FGFR1OP2: variants seen among roughly 807,000 people sequenced by gnomAD.
FGFR1OP2 encodes FGFR1 oncogene partner 2, also known as fibroblast growth factor receptor 1 oncogene partner 2.
Under a neutral mutation model 35.2 loss-of-function variants are expected in FGFR1OP2, and 17 were observed. That is an observed-to-expected ratio of 0.48 (90% CI 0.33 to 0.73). The LOEUF (loss-of-function observed/expected upper bound fraction) is 0.73, where lower values mean the gene tolerates loss of function less well. FGFR1OP2 is among the 30% of genes least tolerant of loss of function. The pLI is 0.02. For missense variants in FGFR1OP2, 251 were observed against 307.3 expected (o/e 0.82, Z 1.37); for synonymous variants, 105 against 104.6 (o/e 1.00, Z -0.03).
intron 5 of FGFR1OP2, chr12:26,961,276 T>G (rs1244924928): frequency 6.6e-6 from 1 of 152,204 alleles, no homozygotes; most frequent in Non-Finnish European, 1.5e-5. Flanking sequence ...TTGTGCTTGT[T>G]AAAAAATCTG....
At position 26,960,794 on chromosome 12, in the gene FGFR1OP2, A is replaced by G. The variant is rs377715839; in HGVS notation, c.510+166A>G. The G allele has an allele frequency of 3.0e-5, 34 of 1,117,392 alleles. No individual in the cohort carries two copies. In the African/African-American group the frequency reaches 5.0e-4, roughly 16 times the overall value. 69.2% of individuals were successfully genotyped at this position (1,117,392 alleles called of 1,614,324 possible). On this transcript the variant is annotated intron_variant, in intron 5 of 6. Coordinates refer to ENST00000229395, the MANE Select transcript of FGFR1OP2 (RefSeq NM_015633.3). ...CCATGCTGTTCAGTGTAGAAACTTT[A>G]AATCTCTCATTAATTTTCTGTGTAT...
chr12:26,938,932 C>T (rs1007686513), intron 1 of FGFR1OP2, among the ~76,000 whole-genome samples: 1 of 152,162 alleles, frequency 6.6e-6, no homozygotes, highest in Non-Finnish European at 1.5e-5. Context: ...GCGGAAAGTT[C>T]AATGAAAAGC....
intron 1 of FGFR1OP2, among the ~76,000 whole-genome samples, chr12:26,943,642 T>G (rs1938772488): frequency 6.6e-6 from 1 of 152,198 alleles, no homozygotes; most frequent in East Asian, 1.9e-4. Flanking sequence ...CTGGCCAACA[T>G]GACGAAACCC....
At position 26,954,214 on chromosome 12, in the gene FGFR1OP2, T is replaced by G; in HGVS notation, c.56T>G (p.Leu19Ter). The G allele has an allele frequency of 1.2e-6, 2 of 1,612,226 alleles. No homozygotes were observed. Among genetic ancestry groups the G allele is most frequent in the Non-Finnish European group, 1.7e-6 (2 of 1,178,870 alleles). Residue 19 changes from leucine to a stop codon, truncating the protein, a stop_gained, in exon 2 of 7, where the codon TTA becomes TGA. Transcript: ENST00000229395. LOFTEE classifies it high-confidence loss of function. ...LADAKALVER[L>*]RDHDDAAESL... ...GACGCTAAAGCTCTTGTTGAAAGAT[T>G]AAGAGATCATGACGATGCAGCAGAA...
chr12:26,963,319 C>T (rs758474517), intron 5 of FGFR1OP2, 23 bp from the exon 6 acceptor site: 7 of 1,514,460 alleles, frequency 4.6e-6, no homozygotes, highest in East Asian at 2.3e-5. Context: ...TGCTGATTTC[C>T]AACTCCCATC....
intron 4 of FGFR1OP2, chr12:26,958,060 T>C (rs2136358456): frequency 5.6e-6 from 1 of 179,482 alleles, no homozygotes; most frequent in South Asian, 1.2e-4. Flanking sequence ...TATATACTTT[T>C]AAGAAATATT....
At chr12:26,941,783 T>C (rs554140233) in intron 1 of FGFR1OP2, among the ~76,000 whole-genome samples, 1 of 152,332 alleles carries the variant, frequency 6.6e-6, no homozygotes, top group East Asian at 1.9e-4. Context: ...CCCATTTCTT[T>C]TCTATGGCTG....
chr12:26,942,530 A>G (rs187720194), intron 1 of FGFR1OP2, among the ~76,000 whole-genome samples: 30 of 152,370 alleles, frequency 2.0e-4, no homozygotes, highest in Admixed American at 1.9e-3. Context: ...GAATTAGGTT[A>G]GAGAGAAGGC....
chr12:26,954,399 T>C (rs1202146639), intron 2 of FGFR1OP2, 106 bp downstream of exon 2: 1 of 1,326,868 alleles, frequency 7.5e-7, no homozygotes, highest in African/African-American at 1.5e-5. Context: ...CTCTAAAATT[T>C]TAAAGTAGCT....
intron 5 of FGFR1OP2, chr12:26,962,066 G>A (rs1939112652): frequency 6.6e-6 from 1 of 152,220 alleles, no homozygotes; most frequent in African/African-American, 2.4e-5. Context: ...CAGTGTGGAA[G>A]CCAGTAGCCA....
At position 26,964,922 on chromosome 12, in the gene FGFR1OP2, A is replaced by G. The variant is rs1939154481; in HGVS notation, c.*189A>G. The G allele has an allele frequency of 3.8e-6, 2 of 521,258 alleles. No homozygotes were observed. The highest frequency in any genetic ancestry group is 3.0e-5 in the East Asian group (1 of 33,402). 32.3% of individuals were successfully genotyped at this position (521,258 alleles called of 1,614,324 possible). On this transcript the variant is annotated 3_prime_UTR_variant, in exon 7 of 7. Coordinates refer to ENST00000229395, the MANE Select transcript of FGFR1OP2 (RefSeq NM_015633.3). ...TTATTCCAAAACATAATTGGAAAAT[A>G]GAAACTGAGCCATTGCCAAATGGTA...
chr12:26,947,057 T>C (rs1938839370), intron 1 of FGFR1OP2, among the ~76,000 whole-genome samples: 1 of 152,084 alleles, frequency 6.6e-6, no homozygotes, highest in Non-Finnish European at 1.5e-5. Context: ...TATGAACACA[T>C]CATATTTACT....
chr12:26,963,701 T>C (rs2136362352), intron 6 of FGFR1OP2, among the ~76,000 whole-genome samples: 1 of 152,308 alleles, frequency 6.6e-6, no homozygotes, highest in African/African-American at 2.4e-5. Context: ...GCTTATCTTA[T>C]GAAGTGAATG....
At chr12:26,944,987 A>G (rs1000371226) in intron 1 of FGFR1OP2, among the ~76,000 whole-genome samples, 1 of 152,144 alleles carries the variant, frequency 6.6e-6, no homozygotes, top group Non-Finnish European at 1.5e-5. Context: ...AAATTATCCA[A>G]TTCATGTGTA....
intron 5 of FGFR1OP2, chr12:26,962,169 C>T (rs1332041528): frequency 6.6e-6 from 1 of 152,174 alleles, no homozygotes; most frequent in Non-Finnish European, 1.5e-5. Context: ...TTAAGTTTAA[C>T]ATTGTTTTGG....
At chr12:26,946,910 A>G (rs574582825) in intron 1 of FGFR1OP2, among the ~76,000 whole-genome samples, 3 of 152,122 alleles carry the variant, frequency 2.0e-5, no homozygotes, top group Non-Finnish European at 2.9e-5. Flanking sequence ...TTTGGACACT[A>G]TATAAATGGC....
chr12:26,957,683 A>G lies in FGFR1OP2; in HGVS notation c.336A>G (p.Leu112=), dbSNP rs1325502390. The G allele has an allele frequency of 2.5e-6, 4 of 1,613,658 alleles. No individual in the cohort carries two copies. Among genetic ancestry groups the G allele is most frequent in the Middle Eastern group, 1.6e-4 (1 of 6,076 alleles). The change falls in exon 4 of 7, where the codon CTA becomes CTG. Residue 112 remains leucine, a synonymous_variant. Transcript: ENST00000229395. ...ACCGAGAACAAATGTTTAGATTGCT[A>G]ATGGCTAGCAAAAAAGATGATCCGG... The part of the protein sequence containing the change: ...SKYREQMFRL[L]MASKKDDPGI...
At chr12:26,948,715 G>A (rs933892647) in intron 1 of FGFR1OP2, among the ~76,000 whole-genome samples, 5 of 152,188 alleles carry the variant, frequency 3.3e-5, no homozygotes, top group Admixed American at 2.0e-4. Context: ...TCATCGAAAT[G>A]TATAAGTTTC....
In FGFR1OP2 at chr12:26,964,980, A is replaced by C; in HGVS notation, c.*247A>C. On this transcript the variant is annotated 3_prime_UTR_variant, in exon 7 of 7. Transcript: ENST00000229395. The stretch of plus-strand genomic sequence containing the variant: ...GAAAAGTTTTCACAGTGACTACTGA[A>C]TATACCAAGAGCTTTTGGCAGTACT... 1 of 350,098 alleles carries C rather than the reference A, an allele frequency of 2.9e-6. No homozygotes were observed. The highest frequency in any genetic ancestry group is 5.2e-6 in the Non-Finnish European group (1 of 193,054). The allele number at this position is 350,098 out of a possible 1,614,324, so 21.7% of individuals were successfully genotyped here.
Sources: allele counts gnomAD v4.1 joint callset (sites outside exome capture counted in the v4.1 genomes callset), GRCh38; gene constraint gnomAD v4.1.1; transcripts MANE v1.5; gene names NCBI Gene and HGNC (gene_info 2026-07-23, HGNC 2026-07-21).